Variants in SH3TC2 observed in about 807,000 individuals in gnomAD.
SH3TC2 encodes SH3 domain and tetratricopeptide repeat-containing protein 2.
SH3TC2 carries 87 observed loss-of-function variants against 124.5 expected under a neutral mutation model. The ratio of observed to expected loss-of-function variants is 0.70; its 90% CI spans 0.59 to 0.84. SH3TC2 has a LOEUF of 0.84. Among genes scored for constraint, SH3TC2 ranks in the 40% least tolerant of loss-of-function variants. The pLI is 0.00. For synonymous variants in SH3TC2, 634 were observed against 628.5 expected (o/e 1.01, Z -0.13); for missense variants, 1,536 against 1,566.4 (o/e 0.98, Z 0.33).
rs572600322 is a variant in SH3TC2, at chr5:148,992,805, T to C, written c.*11906A>G. ...AACTACATCACACTGAGCTAACTCATCCCTGCAACATGCACCAAGAGTCTT... is the reference window on the plus strand; with the variant it reads ...AACTACATCACACTGAGCTAACTCACCCCTGCAACATGCACCAAGAGTCTT... On this transcript the variant is annotated 3_prime_UTR_variant, in exon 17 of 17. Transcript: ENST00000515425. 2.0e-5 allele frequency among the ~76,000 whole-genome samples: 3 copies of C among 152,186 alleles called. No individual in the cohort carries two copies. In the South Asian group the frequency reaches 6.2e-4, roughly 32 times the overall value.
At chr5:149,046,578 CAG>C (rs1754467220) in intron 3 of SH3TC2, 1 of 152,144 alleles carries the variant, frequency 6.6e-6, no homozygotes, top group African/African-American at 2.4e-5. Flanking sequence ...GGCCAAGGCA[CAG>C]AGAGGTTAAG....
intron 16 of SH3TC2, among the ~76,000 whole-genome samples, chr5:149,006,536 T>TG (rs1343343077): frequency 6.6e-6 from 1 of 152,228 alleles, no homozygotes; most frequent in Non-Finnish European, 1.5e-5. Flanking sequence ...TCTTTTGTTT[T>TG]GGGGTCTTGT....
At chr5:149,041,167 G>A (rs549270404) in intron 6 of SH3TC2, among the ~76,000 whole-genome samples, 3 of 152,224 alleles carry the variant, frequency 2.0e-5, no homozygotes, top group East Asian at 1.9e-4. Context: ...CTACATTGGC[G>A]GTCGTGTGGT....
At chr5:149,045,869 T>C (rs765955357) in intron 3 of SH3TC2, 86 of 269,194 alleles carry the variant, frequency 3.2e-4, no homozygotes, top group African/African-American at 2.0e-3. Context: ...ATGGTCTCGA[T>C]CTCTTGACCT....
chr5:149,040,391 C>T (rs752111077), intron 7 of SH3TC2, among the ~76,000 whole-genome samples: 17 of 152,156 alleles, frequency 1.1e-4, no homozygotes, highest in Non-Finnish European at 2.2e-4. Flanking sequence ...CTGCCCACAC[C>T]TGCAGGCATT....
chr5:149,032,069 G>A (rs1331556037), intron 8 of SH3TC2, among the ~76,000 whole-genome samples: 1 of 152,160 alleles, frequency 6.6e-6, no homozygotes, highest in Non-Finnish European at 1.5e-5. Flanking sequence ...AAATGGAAGG[G>A]TTGAAAAGGG....
At chr5:149,057,487 G>A (rs1431435016) in intron 1 of SH3TC2, 2 of 152,040 alleles carry the variant, frequency 1.3e-5, no homozygotes, top group Non-Finnish European at 2.9e-5. Flanking sequence ...CGTGTGCCCT[G>A]GTGATTTGCT....
intron 16 of SH3TC2, among the ~76,000 whole-genome samples, chr5:149,005,565 T>C (rs1753673317): frequency 6.6e-6 from 1 of 152,176 alleles, no homozygotes; most frequent in Admixed American, 6.5e-5. Flanking sequence ...TCACACACTT[T>C]GTCCCTGAAC....
rs112269889 is a variant in SH3TC2, at chr5:148,983,829, T to C, written c.*20882A>G. ...AGTCAAACACAGGGGAGAGGGAAGA[T>C]AAGATGTAAACTTCTGGTCACCACC... On this transcript the variant is annotated 3_prime_UTR_variant, in exon 17 of 17. Transcript: ENST00000515425. Among the ~76,000 whole-genome samples, 219 of 152,312 alleles carry C rather than the reference T, an allele frequency of 1.4e-3. 4 individuals carry two copies. The highest frequency in any genetic ancestry group is 5.2e-3 in the African/African-American group (217 of 41,572).
rs150991281 is a variant in SH3TC2, at chr5:149,003,639, T to C, written c.*1072A>G. 4.7e-4 allele frequency: 138 copies of C among 296,048 alleles called. No individual in the cohort carries two copies. The highest frequency in any genetic ancestry group is 2.9e-3 in the African/African-American group (131 of 44,946). 18.3% of individuals were successfully genotyped at this position (296,048 alleles called of 1,614,324 possible). ...AAGTGTTTTAGGCCACTCAGTGTGCTATGCAGTGATGTTATTAATAGAGAT... is the reference window on the plus strand; with the variant it reads ...AAGTGTTTTAGGCCACTCAGTGTGCCATGCAGTGATGTTATTAATAGAGAT... On this transcript the variant is annotated 3_prime_UTR_variant, in exon 17 of 17. Transcript: ENST00000515425.
chr5:149,041,412 T>C lies in SH3TC2; in HGVS notation c.731+4A>G. 1 of 1,612,434 alleles carries C rather than the reference T, an allele frequency of 6.2e-7. No homozygotes were observed. The highest frequency in any genetic ancestry group is 8.5e-7 in the Non-Finnish European group (1 of 1,179,938). ...TTGCTCCCAGGAGGCAGATGGCTAC[T>C]CACTGGTGGAAAGGGAGAGGCAGAG... On this transcript the variant is annotated splice_donor_region_variant and intron_variant, in intron 6 of 16. Coordinates refer to ENST00000515425, the MANE Select transcript of SH3TC2 (RefSeq NM_024577.4).
intron 9 of SH3TC2, 123 bp downstream of exon 9, chr5:149,031,430 TG>T: frequency 1.6e-6 from 2 of 1,276,574 alleles, no homozygotes; most frequent in Non-Finnish European, 2.3e-6. Context: ...AACAGAATAG[TG>T]GTCATGGCCA....
chr5:149,055,105 TG>T (rs1351667078), intron 1 of SH3TC2, among the ~76,000 whole-genome samples: 13 of 152,154 alleles, frequency 8.5e-5, no homozygotes, highest in African/African-American at 3.1e-4. Context: ...CTGCATGACT[TG>T]ATGTTGACAG....
In SH3TC2 at chr5:148,993,114, C is replaced by A. The variant is rs537928032; in HGVS notation, c.*11597G>T. 7.2e-5 allele frequency among the ~76,000 whole-genome samples: 11 copies of A among 152,260 alleles called. No homozygotes were observed. The East Asian group carries it at 2.1e-3, about 29-fold the overall frequency. Reference sequence around the variant, plus strand: ...ACGCTTAAGGTGATTAGGCATTTGTCCCTCACCGTTTCGATTGAAATAATC... The same window carrying A: ...ACGCTTAAGGTGATTAGGCATTTGTACCTCACCGTTTCGATTGAAATAATC... On this transcript the variant is annotated 3_prime_UTR_variant, in exon 17 of 17. Coordinates refer to ENST00000515425, the MANE Select transcript of SH3TC2 (RefSeq NM_024577.4).
chr5:149,023,685 C>T (rs763853685), intron 12 of SH3TC2, among the ~76,000 whole-genome samples: 26 of 149,740 alleles, frequency 1.7e-4, no homozygotes, highest in Non-Finnish European at 3.1e-4. Context: ...TGGGTTCAAG[C>T]GATTCTCCTG....
At position 149,028,513 on chromosome 5, in the gene SH3TC2, C is replaced by T. The variant is rs1754123102; in HGVS notation, c.1219G>A (p.Ala407Thr). The change falls in exon 11 of 17, where the codon GCC becomes ACC. Residue 407 changes from alanine (A) to threonine (T), a missense_variant. Physicochemically the swap from Ala to Thr is moderately conservative, Grantham distance 58 (BLOSUM62 0). Transcript: ENST00000515425. ...EGFKEVRPGR[A>T]WEEHQAVGSR... Reference sequence around the variant, plus strand: ...CCCACGGCCTGATGCTCCTCCCAGGCTCTGCCAGGCCTGACCTCCTTGAAA... The same window carrying T: ...CCCACGGCCTGATGCTCCTCCCAGGTTCTGCCAGGCCTGACCTCCTTGAAA... 3.1e-6 allele frequency: 5 copies of T among 1,613,738 alleles called. No homozygotes were observed. Among genetic ancestry groups the T allele is most frequent in the Non-Finnish European group, 3.4e-6 (4 of 1,179,752 alleles).
At chr5:149,014,529 G>A (rs1445874943) in intron 12 of SH3TC2, among the ~76,000 whole-genome samples, 1 of 152,226 alleles carries the variant, frequency 6.6e-6, no homozygotes, top group Admixed American at 6.5e-5. Flanking sequence ...CAATGAGGCA[G>A]CTGTTGGCCT....
In SH3TC2 at chr5:149,044,404, G is replaced by C. The variant is rs1754422757; in HGVS notation, c.385+129C>G. ...TGAGGCACTTTGTGAAATTTCAAAA[G>C]TTAACCATCTTTTTTAAGGCTCTAT... On this transcript the variant is annotated intron_variant, in intron 4 of 16. Coordinates refer to ENST00000515425, the MANE Select transcript of SH3TC2 (RefSeq NM_024577.4). 7.0e-6 allele frequency: 5 copies of C among 715,526 alleles called. No homozygotes were observed. The South Asian group carries it at 8.1e-5, about 12-fold the overall frequency. 44.3% of individuals were successfully genotyped at this position (715,526 alleles called of 1,614,324 possible).
intron 8 of SH3TC2, chr5:149,035,885 G>A (rs1435012732): frequency 3.3e-5 from 5 of 152,162 alleles, no homozygotes; most frequent in African/African-American, 1.2e-4. Flanking sequence ...AGCGTGAGGT[G>A]CAGAAGTCCA....
Sources: allele counts gnomAD v4.1 joint callset (sites outside exome capture counted in the v4.1 genomes callset), GRCh38; gene constraint gnomAD v4.1.1; transcripts MANE v1.5; gene names NCBI Gene and HGNC (gene_info 2026-07-23, HGNC 2026-07-21).